Variants in C1GALT1 observed in about 807,000 individuals in gnomAD.
The protein encoded by C1GALT1 is core 1 synthase, glycoprotein-N-acetylgalactosamine 3-beta-galactosyltransferase 1, also known as glycoprotein-N-acetylgalactosamine 3-beta-galactosyltransferase 1.
In C1GALT1, 11 loss-of-function variants were observed where a neutral mutation model predicts 31.0. The observed-to-expected ratio is 0.36, with a 90% CI of 0.22 to 0.59. The LOEUF (loss-of-function observed/expected upper bound fraction) is 0.59. Ranked by LOEUF, C1GALT1 falls within the 20% of genes least tolerant of loss-of-function variation. The probability of loss-of-function intolerance (pLI) is 0.79; values close to 1 mark genes in which losing one functional copy is unlikely to be tolerated. For missense variants in C1GALT1, 424 were observed against 425.2 expected (o/e 1.00, Z 0.03); for synonymous variants, 175 against 143.6 (o/e 1.22, Z -1.56).
intron 1 of C1GALT1, among the ~76,000 whole-genome samples, chr7:7,229,565 A>C (rs1350678918): frequency 6.6e-6 from 1 of 152,202 alleles, no homozygotes; most frequent in Non-Finnish European, 1.5e-5. Context: ...ATACTTGACT[A>C]ATCAGTTCTC....
At chr7:7,207,044 T>C (rs1781769121) in intron 1 of C1GALT1, among the ~76,000 whole-genome samples, 1 of 152,244 alleles carries the variant, frequency 6.6e-6, no homozygotes, top group African/African-American at 2.4e-5. Context: ...CAAACATTTT[T>C]TCTCTCTCCA....
chr7:7,181,295 G>C (rs1420243017), upstream of C1GALT1, among the ~76,000 whole-genome samples: 3 of 135,260 alleles, frequency 2.2e-5, no homozygotes, highest in Non-Finnish European at 4.8e-5. Flanking sequence ...AGCAACAACT[G>C]TATACAAGTT....
At chr7:7,206,688 AAAGAAG>A (rs201165680) in intron 1 of C1GALT1, among the ~76,000 whole-genome samples, 2 of 149,740 alleles carry the variant, frequency 1.3e-5, no homozygotes, top group African/African-American at 5.0e-5. Context: ...AAAAAAAAAA[AAAGAAG>A]AGAATGTCTC....
chr7:7,247,040 A>C lies in C1GALT1; in HGVS notation c.*3313A>C, dbSNP rs1228042987. The C allele has an allele frequency of 6.6e-6, 1 of 152,170 alleles. No homozygotes were observed. Among genetic ancestry groups the C allele is most frequent in the Admixed American group, 6.5e-5 (1 of 15,280 alleles). The allele number at this position is 152,170 out of a possible 1,614,324, so 9.4% of individuals were successfully genotyped here. On this transcript the variant is annotated 3_prime_UTR_variant, in exon 4 of 4. Coordinates refer to ENST00000436587, the MANE Select transcript of C1GALT1 (RefSeq NM_020156.5). ...GGGCTCATTAAGTACTAATAAGTACATAATTTATTAAAAACATACATAAGT... is the reference window on the plus strand; with the variant it reads ...GGGCTCATTAAGTACTAATAAGTACCTAATTTATTAAAAACATACATAAGT...
chr7:7,189,486 T>C (rs1321270214), intron 1 of C1GALT1, among the ~76,000 whole-genome samples: 2 of 149,208 alleles, frequency 1.3e-5, no homozygotes, highest in East Asian at 2.1e-4. Context: ...ATAATATCTC[T>C]TCATTTGATT....
intron 1 of C1GALT1, among the ~76,000 whole-genome samples, chr7:7,223,275 C>A (rs1782595806): frequency 6.6e-6 from 1 of 152,188 alleles, no homozygotes; most frequent in South Asian, 2.1e-4. Context: ...TCTCCTGCTT[C>A]AACCTCCCCA....
At chr7:7,207,131 C>T (rs1781773290) in intron 1 of C1GALT1, among the ~76,000 whole-genome samples, 1 of 152,178 alleles carries the variant, frequency 6.6e-6, no homozygotes, top group African/African-American at 2.4e-5. Flanking sequence ...CACATTTCTT[C>T]AGCCGTTTTT....
At chr7:7,219,769 T>C (rs752002861) in intron 1 of C1GALT1, among the ~76,000 whole-genome samples, 1 of 152,174 alleles carries the variant, frequency 6.6e-6, no homozygotes, top group Non-Finnish European at 1.5e-5. Flanking sequence ...CTAGTCTTTT[T>C]TTAGTATCAC....
intron 1 of C1GALT1, among the ~76,000 whole-genome samples, chr7:7,204,974 TG>T (rs1781675859): frequency 6.6e-6 from 1 of 152,202 alleles, no homozygotes; most frequent in South Asian, 2.1e-4. Flanking sequence ...AAATATCCCC[TG>T]TGTACTTGAG....
At chr7:7,227,204 A>T (rs1782805023) in intron 1 of C1GALT1, among the ~76,000 whole-genome samples, 1 of 152,194 alleles carries the variant, frequency 6.6e-6, no homozygotes, top group Admixed American at 6.5e-5. Flanking sequence ...AAACGAGATG[A>T]CTAATATAAT....
chr7:7,194,807 A>T (rs529977077), intron 1 of C1GALT1, among the ~76,000 whole-genome samples: 27 of 151,976 alleles, frequency 1.8e-4, no homozygotes, highest in African/African-American at 6.0e-4. Flanking sequence ...CTGATTCTGG[A>T]CTTTTTGTTT....
At chr7:7,176,771 A>G (rs770962374) in intron 2 of C1GALT1, among the ~76,000 whole-genome samples, 11 of 152,294 alleles carry the variant, frequency 7.2e-5, no homozygotes, top group Non-Finnish European at 1.6e-4. Flanking sequence ...AATTGTCTCA[A>G]AATCTTGGTA....
intron 1 of C1GALT1, among the ~76,000 whole-genome samples, chr7:7,201,005 G>A (rs967363332): frequency 6.6e-6 from 1 of 152,146 alleles, no homozygotes; most frequent in Non-Finnish European, 1.5e-5. Context: ...CTCTCAACTC[G>A]TCAAAGTCAT....
At chr7:7,216,996 G>T (rs1378971568) in intron 1 of C1GALT1, among the ~76,000 whole-genome samples, 1 of 151,232 alleles carries the variant, frequency 6.6e-6, no homozygotes, top group East Asian at 2.0e-4. Flanking sequence ...CACACACAGG[G>T]TAAGAGATTG....
At chr7:7,184,752 G>C (rs1227713648) in intron 1 of C1GALT1, among the ~76,000 whole-genome samples, 1 of 152,152 alleles carries the variant, frequency 6.6e-6, no homozygotes, top group African/African-American at 2.4e-5. Flanking sequence ...AATTCAGATA[G>C]GCTTAAAAGT....
intron 2 of C1GALT1, among the ~76,000 whole-genome samples, chr7:7,174,094 C>T (rs916919030): frequency 6.6e-5 from 10 of 151,878 alleles, no homozygotes; most frequent in Admixed American, 2.6e-4. Flanking sequence ...CACGGCCTTT[C>T]CTCGTGTATG....
chr7:7,237,349 G>A (rs1783411092), intron 2 of C1GALT1, among the ~76,000 whole-genome samples: 1 of 152,170 alleles, frequency 6.6e-6, no homozygotes, highest in Non-Finnish European at 1.5e-5. Context: ...AGATAATGAG[G>A]TTACACTAGG....
At chr7:7,219,639 C>A (rs12702595) in intron 1 of C1GALT1, among the ~76,000 whole-genome samples, 78,161 of 152,028 alleles carry the variant, frequency 0.51, 21,151 homozygotes, top group East Asian at 0.71. Context: ...CCTAAGATTA[C>A]TTTTTGAGAG....
chr7:7,224,909 G>A (rs1034611922), intron 1 of C1GALT1, among the ~76,000 whole-genome samples: 2 of 152,072 alleles, frequency 1.3e-5, no homozygotes, highest in African/African-American at 2.4e-5. Flanking sequence ...GTATTTAAGT[G>A]TATTAAGCAT....
Sources: allele counts gnomAD v4.1 joint callset (sites outside exome capture counted in the v4.1 genomes callset), GRCh38; gene constraint gnomAD v4.1.1; transcripts MANE v1.5; gene names NCBI Gene and HGNC (gene_info 2026-07-23, HGNC 2026-07-21).